ENTPD6: variants seen among roughly 807,000 people sequenced by gnomAD.
ENTPD6 encodes the protein ectonucleoside triphosphate diphosphohydrolase 6, also known as CD39 antigen-like 2.
A neutral mutation model predicts 61.5 loss-of-function variants in ENTPD6; 46 were observed. The observed-to-expected ratio is 0.75, with a 90% CI of 0.59 to 0.96. ENTPD6 has a LOEUF of 0.96. Ranked by LOEUF, ENTPD6 falls within the 40% of genes least tolerant of loss-of-function variation. The probability of loss-of-function intolerance (pLI) is 0.00; values close to 1 mark genes in which losing one functional copy is unlikely to be tolerated. For missense variants in ENTPD6, 612 were observed against 629.0 expected, an observed-to-expected ratio of 0.97 and a Z score of 0.29; for synonymous variants, 252 against 255.5, an observed-to-expected ratio of 0.99 and a Z score of 0.13.
chr20:25,205,209 A>T (rs755064989), intron 1 of ENTPD6, among the ~76,000 whole-genome samples: 9 of 152,106 alleles, frequency 5.9e-5, no homozygotes, highest in Non-Finnish European at 1.2e-4. Context: ...ACCTACAGGA[A>T]TCAGGTCTAT....
At position 25,197,205 on chromosome 20, in the gene ENTPD6, A is replaced by G. The variant is rs577355436; in HGVS notation, c.-16+1338A>G. On this transcript the variant is annotated intron_variant, in intron 1 of 14. Transcript: ENST00000376652. ...TTAGGCAGCCATCAATCCACATCAGATGGCCCCTGTATTTCCAAGAGGTGA... is the reference window on the plus strand; with the variant it reads ...TTAGGCAGCCATCAATCCACATCAGGTGGCCCCTGTATTTCCAAGAGGTGA... 1.7e-5 allele frequency: 17 copies of G among 985,452 alleles called. No homozygotes were observed. In the African/African-American group the frequency reaches 3.0e-4, roughly 17 times the overall value. 61.0% of individuals were successfully genotyped at this position (985,452 alleles called of 1,614,324 possible). A position where few individuals can be genotyped will look rare whatever the true frequency, so the allele number is the denominator to read the frequency against.
At chr20:25,214,287 G>A (rs2092179332) in intron 5 of ENTPD6, among the ~76,000 whole-genome samples, 1 of 152,236 alleles carries the variant, frequency 6.6e-6, no homozygotes, top group Non-Finnish European at 1.5e-5. Context: ...GCGTGCAGGT[G>A]GGGTGTGCAG....
chr20:25,215,539 T>C, intron 6 of ENTPD6, 137 bp from the exon 7 acceptor site: 1 of 813,236 alleles, frequency 1.2e-6, no homozygotes, highest in Non-Finnish European at 2.1e-6. Flanking sequence ...TCTCTGCCGA[T>C]GATCTGAAGG....
rs188341183 is a variant in ENTPD6, at chr20:25,205,077, C to T, written c.-15-1445C>T. Among the ~76,000 whole-genome samples the T allele has an allele frequency of 1.6e-3, 247 of 152,114 alleles. 2 individuals are homozygous for T. Among genetic ancestry groups the T allele is most frequent in the African/African-American group, 5.6e-3 (231 of 41,484 alleles). ...GTGTCTGGTGACGTTATAGAAGGTGCGGGGGTAGAGGAGCAGCCTCTTCCA... is the reference window on the plus strand; with the variant it reads ...GTGTCTGGTGACGTTATAGAAGGTGTGGGGGTAGAGGAGCAGCCTCTTCCA... On this transcript the variant is annotated intron_variant, in intron 1 of 14. Transcript: ENST00000376652.
rs749309745 is a variant in ENTPD6 at position 25,221,340 on chromosome 20, G to C, written c.1045+7G>C. On this transcript the variant is annotated splice_region_variant and intron_variant, in intron 11 of 14. Transcript: ENST00000376652. ...GTTTCAGGGCAGAAAGCAGGTACGGGGAGGGTTGCTGCCTGTTGGTTTCTG... is the reference window on the plus strand; with the variant it reads ...GTTTCAGGGCAGAAAGCAGGTACGGCGAGGGTTGCTGCCTGTTGGTTTCTG... The C allele has an allele frequency of 2.5e-6, 4 of 1,611,196 alleles. No individual in the cohort carries two copies. In the Admixed American group the frequency reaches 5.0e-5, roughly 20 times the overall value.
intron 1 of ENTPD6, among the ~76,000 whole-genome samples, chr20:25,203,410 T>A (rs2091202510): frequency 6.6e-6 from 1 of 152,232 alleles, no homozygotes; most frequent in Non-Finnish European, 1.5e-5. Context: ...ATGTGCATGG[T>A]GCACGTGAGG....
chr20:25,196,307 G>T, intron 1 of ENTPD6: 1 of 871,672 alleles, frequency 1.1e-6, no homozygotes, highest in Non-Finnish European at 1.4e-6. Flanking sequence ...ATTCACCCTG[G>T]CATTGGGGTG....
intron 10 of ENTPD6, 93 bp from the exon 11 acceptor site, chr20:25,221,139 T>A: frequency 2.2e-6 from 2 of 920,958 alleles, no homozygotes; most frequent in Non-Finnish European, 3.4e-6. Flanking sequence ...CCCCATCCTG[T>A]GTCAAGCCAG....
Position 25,218,617 on chromosome 20 carries a change from G to T in ENTPD6, c.943+3G>T. The T allele has an allele frequency of 6.2e-7, 1 of 1,601,138 alleles. No individual in the cohort carries two copies. The highest frequency in any genetic ancestry group is 8.5e-7 in the Non-Finnish European group (1 of 1,176,352). ...GGGCGGCGTGGAGGGGCAGCCTGGTGAGTGGACATGTTGCCCCGGGCCCAC... is the reference window on the plus strand; with the variant it reads ...GGGCGGCGTGGAGGGGCAGCCTGGTTAGTGGACATGTTGCCCCGGGCCCAC... On this transcript the variant is annotated splice_donor_region_variant and intron_variant, in intron 10 of 14. Coordinates refer to ENST00000376652, the MANE Select transcript of ENTPD6 (RefSeq NM_001247.5).
chr20:25,223,324 T>C (rs2123351016), intron 12 of ENTPD6, among the ~76,000 whole-genome samples: 2 of 152,214 alleles, frequency 1.3e-5, no homozygotes, highest in South Asian at 4.1e-4. Context: ...TGCAGGTGGC[T>C]GCCCTGTACC....
In ENTPD6 at chr20:25,217,443, T is replaced by G; in HGVS notation, c.799-59T>G. The G allele has an allele frequency of 2.0e-6, 3 of 1,491,970 alleles. No homozygotes were observed. In the South Asian group the frequency reaches 3.4e-5, roughly 17 times the overall value. 92.4% of individuals were successfully genotyped at this position (1,491,970 alleles called of 1,614,324 possible). On this transcript the variant is annotated intron_variant, in intron 8 of 14. Transcript: ENST00000376652. Reference sequence around the variant, plus strand: ...CTTTCTTTCAAATGAATTCAGTGGGTGGAGGAGAATTTTCTAGAAAGACCA... The same window carrying G: ...CTTTCTTTCAAATGAATTCAGTGGGGGGAGGAGAATTTTCTAGAAAGACCA...
At chr20:25,206,362 C>T (rs1292480721) in intron 1 of ENTPD6, among the ~76,000 whole-genome samples, 160 bp from the exon 2 acceptor site, 1 of 152,246 alleles carries the variant, frequency 6.6e-6, no homozygotes, top group Admixed American at 6.5e-5. Context: ...CAGGTTCCCA[C>T]ATGCTGCCTC....
At chr20:25,214,636 C>T (rs2092209070) in intron 5 of ENTPD6, 6 of 513,096 alleles carry the variant, frequency 1.2e-5, no homozygotes, top group South Asian at 2.1e-5. Context: ...CCTGGGGTTT[C>T]GTTACTGCCT....
intron 11 of ENTPD6, 92 bp downstream of exon 11, chr20:25,221,425 A>ATGGGATG: frequency 1.0e-6 from 1 of 958,890 alleles, no homozygotes; most frequent in Non-Finnish European, 1.7e-6. Context: ...GGGACGTTCC[A>ATGGGATG]CGGGAGGCTC....
chr20:25,197,216 A>G, intron 1 of ENTPD6: 1 of 985,406 alleles, frequency 1.0e-6, no homozygotes, highest in Non-Finnish European at 1.2e-6. Context: ...TGGCCCCTGT[A>G]TTTCCAAGAG....
chr20:25,198,972 A>T (rs1481433280), intron 1 of ENTPD6, among the ~76,000 whole-genome samples: 1 of 152,184 alleles, frequency 6.6e-6, no homozygotes, highest in African/African-American at 2.4e-5. Context: ...GTTTCAGTTC[A>T]TGGCCATCAC....
chr20:25,206,352 C>T (rs1219836058), intron 1 of ENTPD6, among the ~76,000 whole-genome samples, 170 bp from the exon 2 acceptor site: 1 of 152,220 alleles, frequency 6.6e-6, no homozygotes, highest in Non-Finnish European at 1.5e-5. Flanking sequence ...TTTGAAGCCT[C>T]AGGTTCCCAC....
chr20:25,209,073 C>T (rs2122801135), intron 3 of ENTPD6, among the ~76,000 whole-genome samples: 1 of 150,412 alleles, frequency 6.6e-6, no homozygotes, highest in South Asian at 2.1e-4. Context: ...CCCATCACCA[C>T]ACCTGGCTAC....
At position 25,197,015 on chromosome 20, in the gene ENTPD6, G is replaced by T. The variant is rs2090507899; in HGVS notation, c.-16+1148G>T. 3 of 897,892 alleles carry T rather than the reference G, an allele frequency of 3.3e-6. No homozygotes were observed. The South Asian group carries it at 1.5e-4, about 46-fold the overall frequency. 55.6% of individuals were successfully genotyped at this position (897,892 alleles called of 1,614,324 possible). ...CAGGTGGTGTTGACGGGCGGTTCAC[G>T]CACCGGTTTTTGCCAAGGAGAGAAA... On this transcript the variant is annotated intron_variant, in intron 1 of 14. Transcript: ENST00000376652.
Sources: allele counts gnomAD v4.1 joint callset (sites outside exome capture counted in the v4.1 genomes callset), GRCh38; gene constraint gnomAD v4.1.1; transcripts MANE v1.5; gene names NCBI Gene and HGNC (gene_info 2026-07-23, HGNC 2026-07-21).